The following ANKRD36C variants were observed in gnomAD, a reference collection of about 807,000 sequenced individuals.
The protein encoded by ANKRD36C is ankyrin repeat domain 36C.
In ANKRD36C, 61 loss-of-function variants were observed where a neutral mutation model predicts 276.4. That is an observed-to-expected ratio of 0.22 (90% CI 0.18 to 0.27). The LOEUF is 0.27. Ranked by LOEUF, ANKRD36C falls within the 10% of genes least tolerant of loss-of-function variation. ANKRD36C has a pLI of 1.00. For missense variants in ANKRD36C, 1,447 were observed against 2,032.3 expected, an observed-to-expected ratio of 0.71 and a Z score of 5.54; for synonymous variants, 483 against 680.1, an observed-to-expected ratio of 0.71 and a Z score of 4.51.
intron 42 of ANKRD36C, 98 bp from the exon 45 acceptor site, chr2:95,910,666 T>A (rs1195587666): frequency 1.3e-6 from 2 of 1,580,202 alleles, no homozygotes; most frequent in African/African-American, 1.4e-5. Context: ...TCCTCCTGCC[T>A]GTATTAGCGC....
intron 5 of ANKRD36C, among the ~76,000 whole-genome samples, chr2:95,980,429 T>C (rs1234583262): frequency 6.6e-6 from 1 of 152,106 alleles, no homozygotes; most frequent in Non-Finnish European, 1.5e-5. Context: ...AAAGTTTCAA[T>C]ATCAAGAATC....
chr2:95,900,692 CCT>C (rs1399312995), intron 42 of ANKRD36C, among the ~76,000 whole-genome samples: 4 of 106,528 alleles, frequency 3.8e-5, no homozygotes, highest in African/African-American at 1.2e-4. Context: ...ATCTGTACTT[CCT>C]CTCTTTCTCC....
rs1676054738 is a variant in ANKRD36C, at chr2:95,880,589, A to G, written c.3396+6T>C. 2 of 1,529,930 alleles carry G rather than the reference A, an allele frequency of 1.3e-6. No individual in the cohort carries two copies. Among genetic ancestry groups the G allele is most frequent in the Non-Finnish European group, 1.8e-6 (2 of 1,128,326 alleles). 94.8% of individuals were successfully genotyped at this position (1,529,930 alleles called of 1,614,324 possible). A position where few individuals can be genotyped will look rare whatever the true frequency, so the allele number is the denominator to read the frequency against. ...TAATTAAAAATATAAATGTAAGAGT[A>G]ATTACCTTCAAGGTGGGCAGATTCT... is the stretch of plus-strand genomic sequence containing the variant. On this transcript the variant is annotated splice_donor_region_variant and intron_variant, in intron 57 of 66. Coordinates refer to ENST00000456556, the Ensembl canonical transcript of ANKRD36C.
intron 16 of ANKRD36C, among the ~76,000 whole-genome samples, chr2:95,948,984 G>A (rs1485732004): frequency 6.6e-6 from 1 of 152,078 alleles, no homozygotes; most frequent in Non-Finnish European, 1.5e-5. Context: ...CTGAACTGCA[G>A]TAAACCTGAT....
chr2:95,945,880 G>C (rs201167853), intron 17 of ANKRD36C, among the ~76,000 whole-genome samples: 1 of 149,620 alleles, frequency 6.7e-6, no homozygotes, highest in Admixed American at 6.7e-5. Context: ...ACTGAGGTAA[G>C]TTATTTTTAA....
At position 95,873,810 on chromosome 2, in the gene ANKRD36C, G is replaced by C. The variant is rs575007337; in HGVS notation, c.3540+2629C>G. 8.5e-5 allele frequency among the ~76,000 whole-genome samples: 13 copies of C among 152,332 alleles called. No individual in the cohort carries two copies. In the South Asian group the frequency reaches 2.7e-3, roughly 32 times the overall value. On this transcript the variant is annotated intron_variant, in intron 59 of 66. Coordinates refer to ENST00000456556, the Ensembl canonical transcript of ANKRD36C. ...TCTCAGCCCAAAATCTCCTTAAGCT[G>C]ATCAGCAACTTCAGCAAAGTCTCAG... is the stretch of plus-strand genomic sequence containing the variant.
At chr2:95,896,835 T>C (rs1676564938) in intron 44 of ANKRD36C, among the ~76,000 whole-genome samples, 1 of 150,048 alleles carries the variant, frequency 6.7e-6, no homozygotes, top group Non-Finnish European at 1.5e-5. Flanking sequence ...GGAAAATAGT[T>C]GCTACACCAG....
chr2:95,860,949 T>A (rs1054058401), intron 60 of ANKRD36C, among the ~76,000 whole-genome samples: 28 of 151,766 alleles, frequency 1.8e-4, no homozygotes, highest in African/African-American at 5.6e-4. Context: ...AAATAAAATT[T>A]AAAAAAAACA....
At chr2:95,911,155 G>A (rs530907268) in intron 42 of ANKRD36C, among the ~76,000 whole-genome samples, 21 of 151,464 alleles carry the variant, frequency 1.4e-4, no homozygotes, top group African/African-American at 5.1e-4. Flanking sequence ...TCACACCCAT[G>A]TGGTGTAATA....
At chr2:95,857,537 A>C in intron 61 of ANKRD36C, 45 bp from the exon 82 acceptor site, 2 of 1,511,194 alleles carry the variant, frequency 1.3e-6, no homozygotes, top group South Asian at 2.7e-5. Flanking sequence ...AGTGAGGACT[A>C]AGCTCTAATT....
chr2:95,897,598 G>C, intron 44 of ANKRD36C, 133 bp from the exon 59 acceptor site: 1 of 868,432 alleles, frequency 1.2e-6, no homozygotes, highest in Non-Finnish European at 1.8e-6. Flanking sequence ...TCTACTTTGT[G>C]TCTGGGGACT....
chr2:95,969,236 G>C (rs1291007444), intron 6 of ANKRD36C, among the ~76,000 whole-genome samples: 2 of 152,132 alleles, frequency 1.3e-5, no homozygotes, highest in African/African-American at 2.4e-5. Context: ...AAGCCATCTG[G>C]AGGCTGCCTG....
At chr2:95,902,888 C>G in intron 42 of ANKRD36C, 2 of 1,574,566 alleles carry the variant, frequency 1.3e-6, no homozygotes, top group Non-Finnish European at 1.7e-6. Context: ...AAAATTACCT[C>G]TCCTAGTTTT....
rs1039856394 is a variant in ANKRD36C at position 95,903,037 on chromosome 2, A to G, written c.2654-3701T>C. On this transcript the variant is annotated intron_variant, in intron 42 of 66. Coordinates refer to ENST00000456556, the Ensembl canonical transcript of ANKRD36C. ...ATACATTTACTAGTTCACAATATAA[A>G]TGACAGTTTCATTACCTTCAAGCCT... 4.5e-6 allele frequency: 7 copies of G among 1,570,690 alleles called. No homozygotes were observed. The highest frequency in any genetic ancestry group is 6.1e-6 in the Non-Finnish European group (7 of 1,156,744).
intron 32 of ANKRD36C, 87 bp from the exon 33 acceptor site, chr2:95,921,897 C>T (rs1677282435): frequency 1.5e-6 from 2 of 1,378,140 alleles, no homozygotes; most frequent in Non-Finnish European, 9.8e-7. Flanking sequence ...GCTGTATCTG[C>T]CTGCCTGTAT....
intron 6 of ANKRD36C, among the ~76,000 whole-genome samples, chr2:95,963,966 T>TATATAA (rs1558658606): frequency 2.2e-4 from 11 of 50,926 alleles, no homozygotes; most frequent in African/African-American, 8.4e-4. Context: ...TAAATATATA[T>TATATAA]ATATAAATAT....
chr2:95,902,580 C>T (rs1315060182), intron 42 of ANKRD36C, among the ~76,000 whole-genome samples: 1 of 150,244 alleles, frequency 6.7e-6, no homozygotes, highest in East Asian at 2.0e-4. Flanking sequence ...TCCTTCCACC[C>T]TTACTGAAAA....
At chr2:95,948,556 T>C in exon 17 of ANKRD36C, 1 of 1,535,788 alleles carries the variant, frequency 6.5e-7, no homozygotes, top group Non-Finnish European at 8.7e-7. Flanking sequence ...AACTTATCCT[T>C]TGTCACAGCC....
At chr2:95,895,132 A>C (rs939680190) in intron 44 of ANKRD36C, among the ~76,000 whole-genome samples, 2 of 148,774 alleles carry the variant, frequency 1.3e-5, no homozygotes, top group African/African-American at 5.0e-5. Flanking sequence ...AAGCAAAATT[A>C]TGCTGTGCCC....
Sources: allele counts gnomAD v4.1 joint callset (sites outside exome capture counted in the v4.1 genomes callset), GRCh38; gene constraint gnomAD v4.1.1; transcripts MANE v1.5; gene names NCBI Gene and HGNC (gene_info 2026-07-23, HGNC 2026-07-21).